GABBR2: variants seen among roughly 807,000 people sequenced by gnomAD.
GABBR2 encodes G-protein coupled receptor 51.
In GABBR2, 23 loss-of-function variants were observed where a neutral mutation model predicts 105.6. That is an observed-to-expected ratio of 0.22 (90% CI 0.16 to 0.31). The LOEUF is 0.31. GABBR2 is among the 10% of genes least tolerant of loss of function. The pLI, the probability that GABBR2 is intolerant of heterozygous loss-of-function variation, is 1.00. For synonymous variants in GABBR2, 478 were observed against 499.7 expected (o/e 0.96, Z 0.58); for missense variants, 734 against 1,245.5 (o/e 0.59, Z 6.18).
chr9:98,342,387 G>A (rs1483534049), intron 13 of GABBR2, among the ~76,000 whole-genome samples: 2 of 152,140 alleles, frequency 1.3e-5, no homozygotes, highest in Non-Finnish European at 2.9e-5. Context: ...TAAGGCTAGG[G>A]AGGCGAGCCA....
At chr9:98,440,179 AG>A (rs1826004953) in intron 7 of GABBR2, among the ~76,000 whole-genome samples, 1 of 149,786 alleles carries the variant, frequency 6.7e-6, no homozygotes, top group Non-Finnish European at 1.5e-5. Context: ...CTGGAGCCTC[AG>A]TTGCAGCCAC....
rs3032196 is a variant in GABBR2, at chr9:98,684,169, T to TAAAAAAAAAAAAA, written c.321+24235_321+24247dup. 5.0e-4 allele frequency among the ~76,000 whole-genome samples: 33 copies of TAAAAAAAAAAAAA among 66,136 alleles called. 2 individuals are homozygous for TAAAAAAAAAAAAA. Among genetic ancestry groups the TAAAAAAAAAAAAA allele is most frequent in the African/African-American group, 2.0e-3 (31 of 15,862 alleles). 43.4% of individuals were successfully genotyped at this position (66,136 alleles called of 152,430 possible). On this transcript the variant is annotated intron_variant, in intron 1 of 18. Coordinates refer to ENST00000259455, the MANE Select transcript of GABBR2 (RefSeq NM_005458.8). Reference sequence around the variant, plus strand: ...AAAAGAAGAATGCATTTTACCACGGTAAAAAAAAAAAAAAAAAAAAAAAAA... The same window carrying TAAAAAAAAAAAAA: ...AAAAGAAGAATGCATTTTACCACGGTAAAAAAAAAAAAAAAAAAAAAAAAAAAAAAAAAAAAAA...
chr9:98,440,653 A>G (rs1564070019), intron 7 of GABBR2, among the ~76,000 whole-genome samples: 1 of 152,208 alleles, frequency 6.6e-6, no homozygotes, highest in Non-Finnish European at 1.5e-5. Flanking sequence ...ATTTCATGAG[A>G]AAGTGGCATG....
chr9:98,600,940 T>C (rs1228667639), intron 1 of GABBR2, among the ~76,000 whole-genome samples: 3 of 152,174 alleles, frequency 2.0e-5, no homozygotes, highest in Non-Finnish European at 4.4e-5. Flanking sequence ...TGTCCCTCAC[T>C]GATCAAAAGG....
intron 5 of GABBR2, among the ~76,000 whole-genome samples, chr9:98,477,963 T>C (rs1826829057): frequency 6.6e-6 from 1 of 152,132 alleles, no homozygotes. Context: ...GCGACCTGAT[T>C]GAGGTCACAC....
At chr9:98,568,477 C>T (rs564911435) in intron 2 of GABBR2, among the ~76,000 whole-genome samples, 2 of 152,310 alleles carry the variant, frequency 1.3e-5, no homozygotes, top group African/African-American at 4.8e-5. Context: ...GACGGGCCTG[C>T]AGGCTTGGGG....
At chr9:98,467,247 A>G (rs1480866001) in intron 6 of GABBR2, among the ~76,000 whole-genome samples, 1 of 152,104 alleles carries the variant, frequency 6.6e-6, no homozygotes, top group Non-Finnish European at 1.5e-5. Flanking sequence ...AGAGGGGAGG[A>G]GAGGTATGGA....
intron 1 of GABBR2, among the ~76,000 whole-genome samples, chr9:98,661,030 G>C (rs2151074): frequency 6.6e-6 from 1 of 152,206 alleles, no homozygotes; most frequent in African/African-American, 2.4e-5. Context: ...TTCAGCCTCC[G>C]GAGTAGCTGG....
chr9:98,538,309 G>A (rs1828220016), intron 3 of GABBR2, among the ~76,000 whole-genome samples: 1 of 152,114 alleles, frequency 6.6e-6, no homozygotes, highest in Non-Finnish European at 1.5e-5. Context: ...TCCTTCTTTT[G>A]TCTCATTTAC....
chr9:98,351,998 T>C (rs1285467094), intron 13 of GABBR2, among the ~76,000 whole-genome samples: 1 of 152,258 alleles, frequency 6.6e-6, no homozygotes, highest in East Asian at 1.9e-4. Flanking sequence ...TTCCTGTACA[T>C]GTGTCTATAG....
At position 98,457,042 on chromosome 9, in the gene GABBR2, G is replaced by C. The variant is rs1826336222; in HGVS notation, c.1000-2825C>G. On this transcript the variant is annotated intron_variant, in intron 6 of 18. Transcript: ENST00000259455. The stretch of plus-strand genomic sequence containing the variant: ...TTTGATTTTTTAAAATGTGATTTGT[G>C]TCTATTTCTGGTTGTTAACTACTGA... 2.6e-5 allele frequency among the ~76,000 whole-genome samples: 4 copies of C among 152,150 alleles called. No homozygotes were observed. The South Asian group carries it at 8.3e-4, about 32-fold the overall frequency.
At chr9:98,310,084 C>T (rs778855147) in intron 14 of GABBR2, among the ~76,000 whole-genome samples, 12 of 152,068 alleles carry the variant, frequency 7.9e-5, no homozygotes, top group African/African-American at 1.4e-4. Flanking sequence ...CTGAGGAGGG[C>T]GCAGTGACCA....
intron 13 of GABBR2, among the ~76,000 whole-genome samples, chr9:98,319,200 A>T (rs1306687533): frequency 6.6e-6 from 1 of 152,108 alleles, no homozygotes; most frequent in African/African-American, 2.4e-5. Context: ...CAAGATGATC[A>T]AAGGAGGTGC....
At chr9:98,569,166 G>A (rs966661158) in intron 2 of GABBR2, among the ~76,000 whole-genome samples, 29 of 152,176 alleles carry the variant, frequency 1.9e-4, no homozygotes, top group African/African-American at 6.5e-4. Flanking sequence ...ACAGTTTCCA[G>A]CTGTGCCTCA....
At chr9:98,339,284 CA>C (rs9299286) in intron 13 of GABBR2, among the ~76,000 whole-genome samples, 9,291 of 133,362 alleles carry the variant, frequency 0.07, 299 homozygotes, top group African/African-American at 0.096. Context: ...AATTATATCT[CA>C]AAAAAAAAAA....
intron 1 of GABBR2, among the ~76,000 whole-genome samples, chr9:98,606,350 C>T (rs576607386): frequency 3.4e-4 from 52 of 152,336 alleles, no homozygotes; most frequent in African/African-American, 1.2e-3. Context: ...AATCGCCACA[C>T]TGTCTTCCAC....
At chr9:98,632,143 A>G (rs887959477) in intron 1 of GABBR2, among the ~76,000 whole-genome samples, 1 of 152,164 alleles carries the variant, frequency 6.6e-6, no homozygotes, top group South Asian at 2.1e-4. Flanking sequence ...ACTGGGTATC[A>G]TTTATCCTTG....
At chr9:98,598,900 G>A (rs1829277928) in intron 1 of GABBR2, among the ~76,000 whole-genome samples, 1 of 139,844 alleles carries the variant, frequency 7.2e-6, no homozygotes, top group Non-Finnish European at 1.7e-5. Flanking sequence ...TCCTCTATAT[G>A]GTTTTCACTC....
At chr9:98,362,935 C>T in intron 12 of GABBR2, 98 bp from the exon 13 acceptor site, 2 of 1,058,094 alleles carry the variant, frequency 1.9e-6, no homozygotes, top group South Asian at 2.4e-5. Flanking sequence ...GCATCATGAA[C>T]CCCCCAGCCG....
Sources: gnomAD v4.1 joint callset for allele counts (sites outside exome capture counted in the v4.1 genomes callset) on GRCh38, gnomAD v4.1.1 for gene constraint, MANE v1.5 for transcripts, NCBI Gene and HGNC (gene_info 2026-07-23, HGNC 2026-07-21) for gene names.